Variants in ADARB2 observed in about 807,000 individuals in gnomAD.
ADARB2 encodes inactive double-stranded RNA-specific editase B2.
In ADARB2, 25 loss-of-function variants were observed where a neutral mutation model predicts 62.2. That is an observed-to-expected ratio of 0.40 (90% CI 0.29 to 0.56). The LOEUF (loss-of-function observed/expected upper bound fraction) is 0.56, where lower values mean the gene tolerates loss of function less well. Among genes scored for constraint, ADARB2 ranks in the 20% least tolerant of loss-of-function variants. The pLI is 0.43. For missense variants in ADARB2, 1,071 were observed against 1,077.4 expected, an observed-to-expected ratio of 0.99 and a Z score of 0.08; for synonymous variants, 572 against 500.8, an observed-to-expected ratio of 1.14 and a Z score of -1.90.
At chr10:1,330,120 T>C (rs1831915289) in intron 3 of ADARB2, among the ~76,000 whole-genome samples, 1 of 152,168 alleles carries the variant, frequency 6.6e-6, no homozygotes, top group African/African-American at 2.4e-5. Flanking sequence ...CTTTTGTGTG[T>C]AAGGGTGGTA....
chr10:1,409,898 T>C (rs1832744113), intron 1 of ADARB2, among the ~76,000 whole-genome samples: 1 of 91,484 alleles, frequency 1.1e-5, no homozygotes, highest in South Asian at 4.8e-4. Context: ...TAGGGAAGGA[T>C]TCTCAGTGGT....
chr10:1,207,204 G>C (rs150726450), intron 7 of ADARB2, among the ~76,000 whole-genome samples: 2 of 152,008 alleles, frequency 1.3e-5, no homozygotes, highest in African/African-American at 4.8e-5. Context: ...AAAATTAGCC[G>C]GGAATGGTGG....
chr10:1,676,138 G>A (rs1382858785), intron 1 of ADARB2: 1 of 737,748 alleles, frequency 1.4e-6, no homozygotes, highest in Non-Finnish European at 1.7e-6. Context: ...TTGGGTCTTG[G>A]CAAATGTGCA....
intron 8 of ADARB2, among the ~76,000 whole-genome samples, chr10:1,198,189 G>C (rs943561288): frequency 6.6e-6 from 1 of 152,224 alleles, no homozygotes; most frequent in Non-Finnish European, 1.5e-5. Context: ...CCGTGACTGT[G>C]TGAGTAAGGG....
intron 1 of ADARB2, among the ~76,000 whole-genome samples, chr10:1,685,476 A>G (rs1316374642): frequency 1.3e-5 from 2 of 152,202 alleles, no homozygotes; most frequent in East Asian, 1.9e-4. Flanking sequence ...TACCGAATCC[A>G]TCACAGAGTG....
At chr10:1,396,688 CCG>C in intron 1 of ADARB2, among the ~76,000 whole-genome samples, 1 of 147,040 alleles carries the variant, frequency 6.8e-6, no homozygotes, top group South Asian at 2.2e-4. Flanking sequence ...TCCTGGGTCA[CCG>C]TCCGTCTCTC....
At chr10:1,195,769 C>T (rs1836902554) in intron 8 of ADARB2, among the ~76,000 whole-genome samples, 1 of 152,116 alleles carries the variant, frequency 6.6e-6, no homozygotes, top group African/African-American at 2.4e-5. Context: ...GGCTTTCTAG[C>T]CCCCGAGCCA....
At chr10:1,582,278 G>C (rs1048317481) in intron 1 of ADARB2, among the ~76,000 whole-genome samples, 1 of 152,150 alleles carries the variant, frequency 6.6e-6, no homozygotes, top group Non-Finnish European at 1.5e-5. Context: ...GTTACCTGCT[G>C]GTGGCAGAGG....
At chr10:1,459,601 TA>T (rs1831141675) in intron 1 of ADARB2, among the ~76,000 whole-genome samples, 1 of 152,148 alleles carries the variant, frequency 6.6e-6, no homozygotes, top group African/African-American at 2.4e-5. Flanking sequence ...CCGTCTCTAC[TA>T]AAAATACAAA....
rs879661362 is a variant in ADARB2 at position 1,265,610 on chromosome 10, A to AG, written c.1192+5344dup. ...ACGCTCTCCCGGAAGACGGCCTGAG[A>AG]GGGGGGCCCAGGCTCTCCCGGAAGA... On this transcript the variant is annotated intron_variant, in intron 4 of 9. Transcript: ENST00000381312. Among the ~76,000 whole-genome samples the AG allele has an allele frequency of 3.2e-4, 36 of 114,074 alleles. 1 individual carries two copies. Among genetic ancestry groups the AG allele is most frequent in the Admixed American group, 4.8e-4 (6 of 12,542 alleles). The allele number at this position is 114,074 out of a possible 152,430, so 74.8% of individuals were successfully genotyped here. A position where few individuals can be genotyped will look rare whatever the true frequency, so the allele number is the denominator to read the frequency against.
chr10:1,242,383 C>A, intron 4 of ADARB2, 84 bp from the exon 5 acceptor site: 2 of 1,437,522 alleles, frequency 1.4e-6, no homozygotes. Context: ...CTCACAACAG[C>A]GGTTTCCCTG....
chr10:1,560,007 G>C (rs1278486268), intron 1 of ADARB2, among the ~76,000 whole-genome samples: 1 of 152,174 alleles, frequency 6.6e-6, no homozygotes, highest in African/African-American at 2.4e-5. Context: ...GGTGAAAACT[G>C]TCAGTGTAAA....
chr10:1,231,497 G>T (rs1218974713), intron 6 of ADARB2, among the ~76,000 whole-genome samples: 1 of 152,040 alleles, frequency 6.6e-6, no homozygotes, highest in African/African-American at 2.4e-5. Flanking sequence ...GGTAGTGGGG[G>T]GTGCCCTGTG....
At chr10:1,395,133 G>A (rs112211883) in intron 1 of ADARB2, among the ~76,000 whole-genome samples, 34 of 152,086 alleles carry the variant, frequency 2.2e-4, no homozygotes, top group Non-Finnish European at 4.4e-4. Context: ...CTGGGACCTC[G>A]GCCTCCCAAA....
chr10:1,241,408 C>T (rs11599423), intron 5 of ADARB2, among the ~76,000 whole-genome samples: 4,274 of 152,302 alleles, frequency 0.028, 90 homozygotes, highest in South Asian at 0.057. Context: ...GGTCCCATTA[C>T]TCGTAGATTT....
At chr10:1,378,371 G>A (rs115282617) in intron 2 of ADARB2, among the ~76,000 whole-genome samples, 1,526 of 152,288 alleles carry the variant, frequency 0.01, 28 homozygotes, top group African/African-American at 0.035. Flanking sequence ...CGCGCTCTAA[G>A]ACACCGTGAC....
At position 1,684,798 on chromosome 10, in the gene ADARB2, A is replaced by G. The variant is rs539100486; in HGVS notation, c.100+52253T>C. Among the ~76,000 whole-genome samples the G allele has an allele frequency of 3.3e-5, 5 of 152,374 alleles. No homozygotes were observed. The East Asian group carries it at 7.7e-4, about 24-fold the overall frequency. On this transcript the variant is annotated intron_variant, in intron 1 of 9. Transcript: ENST00000381312. ...TGAAAAGTTGCGATGGAAATGCTTC[A>G]TAAATGGGCAGCAGAGCAAACCCAG...
At position 1,199,966 on chromosome 10, in the gene ADARB2, C is replaced by T. The variant is rs904324462; in HGVS notation, c.1864G>A (p.Gly622Ser). 14 of 1,539,044 alleles carry T rather than the reference C, an allele frequency of 9.1e-6. No homozygotes were observed. Among genetic ancestry groups the T allele is most frequent in the African/African-American group, 6.8e-5 (5 of 73,964 alleles). ...GGGCCCCCGGGAAGGGGGTTCTTAC[C>T]GCTGAGGAGAGGCCGGTTGTGCCGG... ...SYRHNRPLLS[G>S]VSDAEARQPG... The change falls in exon 8 of 10, where the codon GGC (glycine) becomes AGC (serine). Residue 622 changes from glycine (G) to serine (S), a missense_variant and splice_region_variant. Physicochemically the swap from Gly to Ser is moderately conservative, Grantham distance 56. Transcript: ENST00000381312.
intron 3 of ADARB2, among the ~76,000 whole-genome samples, chr10:1,298,792 T>G (rs1564250504): frequency 2.4e-4 from 30 of 125,692 alleles, no homozygotes; most frequent in South Asian, 8.8e-4. Flanking sequence ...CAGGCTGGAG[T>G]GCAGTGGCAC....
Sources: gnomAD v4.1 joint callset for allele counts (sites outside exome capture counted in the v4.1 genomes callset) on GRCh38, gnomAD v4.1.1 for gene constraint, MANE v1.5 for transcripts, NCBI Gene and HGNC (gene_info 2026-07-23, HGNC 2026-07-21) for gene names.